Variants in DPYD observed in about 807,000 individuals in gnomAD.
DPYD encodes dihydropyrimidine dehydrogenase [NADP(+)].
DPYD carries 109 observed loss-of-function variants against 116.2 expected under a neutral mutation model. The observed-to-expected ratio is 0.94, with a 90% confidence interval of 0.80 to 1.10. The LOEUF is 1.10. DPYD is among the 50% of genes least tolerant of loss of function. DPYD has a pLI of 0.00. For synonymous variants in DPYD, 440 were observed against 432.0 expected, an observed-to-expected ratio of 1.02 and a Z score of -0.23; for missense variants, 1,302 against 1,254.5, an observed-to-expected ratio of 1.04 and a Z score of -0.57.
chr1:97,886,342 T>A (rs1003400851), intron 1 of DPYD, among the ~76,000 whole-genome samples: 4 of 152,000 alleles, frequency 2.6e-5, no homozygotes, highest in Non-Finnish European at 5.9e-5. Flanking sequence ...AAACTGCAAC[T>A]GAGTGCAGCT....
At chr1:97,818,310 T>G (rs192208807) in intron 3 of DPYD, among the ~76,000 whole-genome samples, 126 of 152,174 alleles carry the variant, frequency 8.3e-4, no homozygotes, top group African/African-American at 3.0e-3. Flanking sequence ...CTTAGATTAA[T>G]GAGTATTATA....
At chr1:97,247,103 G>C (rs1469691967) in intron 18 of DPYD, among the ~76,000 whole-genome samples, 1 of 152,020 alleles carries the variant, frequency 6.6e-6, no homozygotes, top group African/African-American at 2.4e-5. Flanking sequence ...ATAATATAGA[G>C]AGCTTATATA....
At chr1:97,641,453 A>C (rs1206044548) in intron 8 of DPYD, among the ~76,000 whole-genome samples, 1 of 152,010 alleles carries the variant, frequency 6.6e-6, no homozygotes. Context: ...TTCCGCTTTC[A>C]TTTCCTACAT....
chr1:97,526,491 G>C (rs1041164255), intron 12 of DPYD, among the ~76,000 whole-genome samples: 3 of 152,006 alleles, frequency 2.0e-5, no homozygotes, highest in African/African-American at 7.3e-5. Context: ...CTTGGAGGGG[G>C]ACTCAAATAA....
chr1:97,678,639 T>C (rs927375370), intron 8 of DPYD, among the ~76,000 whole-genome samples: 1 of 152,186 alleles, frequency 6.6e-6, no homozygotes, highest in Admixed American at 6.5e-5. Flanking sequence ...TTCAGAACAC[T>C]GATGAAACAT....
chr1:97,408,023 A>G (rs568530169), intron 14 of DPYD, among the ~76,000 whole-genome samples: 1 of 152,138 alleles, frequency 6.6e-6, no homozygotes, highest in African/African-American at 2.4e-5. Context: ...CACAACGGAG[A>G]TAAGGAAGAT....
intron 16 of DPYD, among the ~76,000 whole-genome samples, chr1:97,315,806 A>C (rs1194462308): frequency 6.6e-6 from 1 of 151,922 alleles, no homozygotes; most frequent in Non-Finnish European, 1.5e-5. Flanking sequence ...TTGGTGACCT[A>C]CCCAGCAATA....
chr1:97,560,965 G>T (rs1257694896), intron 11 of DPYD, among the ~76,000 whole-genome samples: 1 of 152,138 alleles, frequency 6.6e-6, no homozygotes, highest in African/African-American at 2.4e-5. Flanking sequence ...GTTATAGCAC[G>T]TGAGGAGTAG....
chr1:97,898,621 G>C (rs1673201714), intron 1 of DPYD, among the ~76,000 whole-genome samples: 1 of 151,792 alleles, frequency 6.6e-6, no homozygotes, highest in East Asian at 1.9e-4. Flanking sequence ...GAACCTGATA[G>C]GCCTGAGTTG....
At chr1:97,302,793 A>T (rs1311900713) in intron 18 of DPYD, among the ~76,000 whole-genome samples, 1 of 152,064 alleles carries the variant, frequency 6.6e-6, no homozygotes, top group East Asian at 1.9e-4. Context: ...TATGCAAAGC[A>T]TTCTGACATT....
At chr1:97,632,462 G>C (rs1394005252) in intron 8 of DPYD, among the ~76,000 whole-genome samples, 1 of 152,050 alleles carries the variant, frequency 6.6e-6, no homozygotes, top group African/African-American at 2.4e-5. Flanking sequence ...TACTACTACT[G>C]ATATACAAAT....
chr1:97,740,502 T>A (rs2101070370), intron 3 of DPYD, 23 bp from the exon 4 acceptor site: 1 of 1,583,782 alleles, frequency 6.3e-7, no homozygotes, highest in Non-Finnish European at 8.7e-7. Context: ...ATAACTATGT[T>A]AAGAAACTAC....
intron 19 of DPYD, among the ~76,000 whole-genome samples, chr1:97,218,256 C>A (rs1660546163): frequency 6.6e-6 from 1 of 152,030 alleles, no homozygotes; most frequent in African/African-American, 2.4e-5. Context: ...TGTAACAAAA[C>A]TGCACTTGTA....
At chr1:97,467,241 A>G (rs895334430) in intron 13 of DPYD, among the ~76,000 whole-genome samples, 1 of 152,168 alleles carries the variant, frequency 6.6e-6, no homozygotes, top group African/African-American at 2.4e-5. Flanking sequence ...ACTTTGACCA[A>G]AGTTCTTTGT....
At chr1:97,579,225 G>T (rs1186641585) in intron 10 of DPYD, among the ~76,000 whole-genome samples, 2 of 152,164 alleles carry the variant, frequency 1.3e-5, no homozygotes, top group African/African-American at 4.8e-5. Flanking sequence ...ACTGGTCACA[G>T]CCCTACCTGT....
At chr1:97,795,946 T>C (rs1230358687) in intron 3 of DPYD, among the ~76,000 whole-genome samples, 3 of 152,002 alleles carry the variant, frequency 2.0e-5, no homozygotes, top group East Asian at 1.9e-4. Context: ...AATTTTCTGA[T>C]AATGAGGGTA....
chr1:97,152,040 G>A (rs1262821082), intron 20 of DPYD, among the ~76,000 whole-genome samples: 1 of 152,040 alleles, frequency 6.6e-6, no homozygotes, highest in African/African-American at 2.4e-5. Context: ...CCTTTTCTAG[G>A]CTGGTTTAAT....
At chr1:97,200,324 G>A (rs1659116247) in intron 19 of DPYD, among the ~76,000 whole-genome samples, 3 of 152,128 alleles carry the variant, frequency 2.0e-5, no homozygotes, top group Admixed American at 6.6e-5. Context: ...GTCTAAAGTT[G>A]TCTCAAATTT....
At chr1:97,852,023 CAAAAAAA>C (rs555567071) in intron 2 of DPYD, among the ~76,000 whole-genome samples, 1 of 74,292 alleles carries the variant, frequency 1.3e-5, no homozygotes, top group Non-Finnish European at 2.9e-5. Context: ...GTGCAATTTA[CAAAAAAA>C]AAAAAAAAGA....
Sources: gnomAD v4.1 joint callset for allele counts (sites outside exome capture counted in the v4.1 genomes callset) on GRCh38, gnomAD v4.1.1 for gene constraint, MANE v1.5 for transcripts, NCBI Gene and HGNC (gene_info 2026-07-23, HGNC 2026-07-21) for gene names.